The following CDH9 variants were observed in gnomAD, a reference collection of about 807,000 sequenced individuals.
CDH9 encodes the protein cadherin-9.
Under a neutral mutation model 70.9 loss-of-function variants are expected in CDH9, and 28 were observed. That is an observed-to-expected ratio of 0.40 (90% confidence interval 0.29 to 0.54). The LOEUF (loss-of-function observed/expected upper bound fraction) is 0.54. Among genes scored for constraint, CDH9 ranks in the 20% least tolerant of loss-of-function variants. The pLI is 0.59. For synonymous variants in CDH9, 409 were observed against 343.1 expected (o/e 1.19, Z -2.12); for missense variants, 874 against 984.4 (o/e 0.89, Z 1.50).
chr5:26,882,191 C>A (rs1015740967), intron 11 of CDH9, among the ~76,000 whole-genome samples: 3 of 151,962 alleles, frequency 2.0e-5, no homozygotes, highest in African/African-American at 7.3e-5. Context: ...AATTCCTTTA[C>A]TGGTCTAATT....
chr5:26,941,646 C>A (rs1212814880), intron 2 of CDH9, among the ~76,000 whole-genome samples: 1 of 152,188 alleles, frequency 6.6e-6, no homozygotes, highest in Admixed American at 6.5e-5. Flanking sequence ...GAAACTGTTA[C>A]AATATCTCCA....
intron 2 of CDH9, among the ~76,000 whole-genome samples, chr5:26,922,030 A>T (rs1741253541): frequency 6.6e-6 from 1 of 150,632 alleles, no homozygotes; most frequent in South Asian, 2.1e-4. Flanking sequence ...ATAGTCCAAA[A>T]AAAAAAAAAA....
intron 2 of CDH9, among the ~76,000 whole-genome samples, chr5:26,969,549 T>C (rs908587767): frequency 6.6e-6 from 1 of 152,150 alleles, no homozygotes; most frequent in South Asian, 2.1e-4. Flanking sequence ...TTAAGGAGCC[T>C]ATTTTTGTAG....
intron 1 of CDH9, among the ~76,000 whole-genome samples, chr5:27,018,286 C>G (rs1038752637): frequency 1.3e-5 from 2 of 151,632 alleles, no homozygotes; most frequent in East Asian, 3.9e-4. Flanking sequence ...GAATTTTCCT[C>G]ACGTATGTAT....
chr5:26,996,735 T>C (rs1742672673), intron 1 of CDH9, among the ~76,000 whole-genome samples: 1 of 151,400 alleles, frequency 6.6e-6, no homozygotes, highest in Non-Finnish European at 1.5e-5. Flanking sequence ...CATATATATC[T>C]ATATCTCTAT....
Position 26,903,745 on chromosome 5 carries a change from C to T in CDH9, c.891G>A (p.Val297=), listed in dbSNP as rs1740898634. Residue 297 remains valine (V), a synonymous_variant, in exon 6 of 12, where the codon GTG becomes GTA. Coordinates refer to ENST00000231021, the MANE Select transcript of CDH9 (RefSeq NM_016279.4). ...LGRIKANDPD[V]GENAEMEYSI... ...TATACTCCATTTCTGCATTTTCCCC[C>T]ACGTCAGGGTCATTGGCTTTTATCC... 3 of 1,608,316 alleles carry T rather than the reference C, an allele frequency of 1.9e-6. No homozygotes were observed. Among genetic ancestry groups the T allele is most frequent in the South Asian group, 1.1e-5 (1 of 90,184 alleles).
intron 2 of CDH9, among the ~76,000 whole-genome samples, chr5:26,955,186 T>G (rs1708427794): frequency 6.6e-6 from 1 of 152,256 alleles, no homozygotes; most frequent in Non-Finnish European, 1.5e-5. Flanking sequence ...CCCCACTATC[T>G]GAAATGTTTT....
chr5:26,906,077 C>T lies in CDH9; in HGVS notation c.693G>A (p.Gln231=), dbSNP rs761788673. ...CTTTGGCCTGTATAACAACCTGGTA[C>T]TGCTCTCTATTTTCTCTGCTCATGT... The part of the protein sequence containing the change: ...LPDMSRENRE[Q]YQVVIQAKDM... Residue 231 remains glutamine (Q), a synonymous_variant, in exon 5 of 12, where the codon CAG becomes CAA. Transcript: ENST00000231021. 2 of 1,613,796 alleles carry T rather than the reference C, an allele frequency of 1.2e-6. No homozygotes were observed. The highest frequency in any genetic ancestry group is 3.3e-5 in the Admixed American group (2 of 60,006).
At chr5:26,958,564 T>A (rs988166038) in intron 2 of CDH9, among the ~76,000 whole-genome samples, 2 of 152,114 alleles carry the variant, frequency 1.3e-5, no homozygotes, top group Non-Finnish European at 1.5e-5. Flanking sequence ...ACAAAAAAAT[T>A]ATCATGATAT....
chr5:27,026,666 C>A lies in CDH9; in HGVS notation c.-50+11797G>T, dbSNP rs183702566. Among the ~76,000 whole-genome samples the A allele has an allele frequency of 2.4e-4, 37 of 151,858 alleles. No homozygotes were observed. The East Asian group carries it at 6.2e-3, about 25-fold the overall frequency. ...TGTATGATGCATAGTAAAGTTTGAA[C>A]AAACATTTGGTGCTAATGCTTGACT... On this transcript the variant is annotated intron_variant, in intron 1 of 11. Coordinates refer to ENST00000231021, the MANE Select transcript of CDH9 (RefSeq NM_016279.4).
At chr5:27,013,073 C>A (rs1375186403) in intron 1 of CDH9, among the ~76,000 whole-genome samples, 1 of 151,808 alleles carries the variant, frequency 6.6e-6, no homozygotes, top group Non-Finnish European at 1.5e-5. Flanking sequence ...TTAAAATAAT[C>A]AATTTGGAGG....
intron 2 of CDH9, among the ~76,000 whole-genome samples, chr5:26,919,079 T>C (rs1332169075): frequency 1.3e-5 from 2 of 151,904 alleles, no homozygotes; most frequent in Non-Finnish European, 2.9e-5. Context: ...TGAACAACTA[T>C]CCACAAAAAA....
At chr5:26,940,079 G>A (rs1173877825) in intron 2 of CDH9, among the ~76,000 whole-genome samples, 1 of 151,738 alleles carries the variant, frequency 6.6e-6, no homozygotes, top group Non-Finnish European at 1.5e-5. Flanking sequence ...GACTGAGGCA[G>A]GAGAACCCAG....
chr5:27,020,160 G>T (rs1032120626), intron 1 of CDH9, among the ~76,000 whole-genome samples: 1 of 151,516 alleles, frequency 6.6e-6, no homozygotes, highest in Non-Finnish European at 1.5e-5. Flanking sequence ...TATCTGAATT[G>T]CCTACTATGT....
At chr5:26,902,164 G>A (rs1024163135) in intron 7 of CDH9, among the ~76,000 whole-genome samples, 1 of 151,778 alleles carries the variant, frequency 6.6e-6, no homozygotes, top group African/African-American at 2.4e-5. Context: ...AATAAACAAT[G>A]GGCAAATTAC....
chr5:26,940,365 T>C (rs1741638732), intron 2 of CDH9, among the ~76,000 whole-genome samples: 3 of 152,108 alleles, frequency 2.0e-5, no homozygotes, highest in Non-Finnish European at 2.9e-5. Flanking sequence ...CAGGATCCTA[T>C]AGTAGCAGTT....
chr5:26,910,716 A>G (rs1268071591), intron 3 of CDH9, among the ~76,000 whole-genome samples: 6 of 152,224 alleles, frequency 3.9e-5, no homozygotes. Flanking sequence ...AGAGACTGGA[A>G]TATTTTGACT....
chr5:26,976,831 A>T (rs531857343), intron 2 of CDH9, among the ~76,000 whole-genome samples: 13 of 151,944 alleles, frequency 8.6e-5, no homozygotes, highest in Non-Finnish European at 1.3e-4. Context: ...GGTTTAATTT[A>T]TATCTTCTCT....
In CDH9 at chr5:26,905,945, G is replaced by C; in HGVS notation, c.811+14C>G. The C allele has an allele frequency of 6.2e-7, 1 of 1,606,880 alleles. No homozygotes were observed. The highest frequency in any genetic ancestry group is 1.3e-5 in the African/African-American group (1 of 74,840). ...AGAAGTTTTTGGACATGAGATCACT[G>C]AAACATTTCTTACTCTGGGGAAATC... On this transcript the variant is annotated intron_variant, in intron 5 of 11. Coordinates refer to ENST00000231021, the MANE Select transcript of CDH9 (RefSeq NM_016279.4).
Sources: gnomAD v4.1 joint callset for allele counts (sites outside exome capture counted in the v4.1 genomes callset) on GRCh38, gnomAD v4.1.1 for gene constraint, MANE v1.5 for transcripts, NCBI Gene and HGNC (gene_info 2026-07-23, HGNC 2026-07-21) for gene names.